The following DISP2 variants were observed in gnomAD, a reference collection of about 807,000 sequenced individuals.
DISP2 encodes the protein dispatched RND transporter family member 2, also known as protein dispatched homolog 2.
Under a neutral mutation model 95.5 loss-of-function variants are expected in DISP2, and 59 were observed. That is an observed-to-expected ratio of 0.62 (90% confidence interval 0.50 to 0.77). DISP2 has a LOEUF of 0.77. DISP2 is among the 30% of genes least tolerant of loss of function. The pLI, the probability that DISP2 is intolerant of heterozygous loss-of-function variation, is 0.00. For synonymous variants in DISP2, 827 were observed against 815.0 expected (o/e 1.01, Z -0.25); for missense variants, 1,752 against 1,854.6 (o/e 0.94, Z 1.02).
At chr15:40,361,649 C>G (rs1422590617) in intron 1 of DISP2, among the ~76,000 whole-genome samples, 1 of 152,252 alleles carries the variant, frequency 6.6e-6, no homozygotes, top group Admixed American at 6.5e-5. Flanking sequence ...CCGGGCCAGC[C>G]TGCCATCCTT....
rs12595589 is a variant in DISP2, at chr15:40,372,963, G to A, written c.*2645G>A. On this transcript the variant is annotated 3_prime_UTR_variant, in exon 8 of 8. Transcript: ENST00000267889. ...GCCATAGCAGCTGATGCATTGATTA[G>A]ATTTGTTCTTTATGTTGCCAGGCCC... The A allele has an allele frequency of 6.6e-6, 1 of 152,182 alleles. No individual in the cohort carries two copies. The highest frequency in any genetic ancestry group is 2.4e-5 in the African/African-American group (1 of 41,430). 9.4% of individuals were successfully genotyped at this position (152,182 alleles called of 1,614,324 possible).
At position 40,370,388 on chromosome 15, in the gene DISP2, C is replaced by A. The variant is rs1159823318; in HGVS notation, c.*70C>A. 1.3e-6 allele frequency: 2 copies of A among 1,501,696 alleles called. No individual in the cohort carries two copies. Among genetic ancestry groups the A allele is most frequent in the Non-Finnish European group, 1.8e-6 (2 of 1,131,184 alleles). The allele number at this position is 1,501,696 out of a possible 1,614,324, so 93.0% of individuals were successfully genotyped here. A position where few individuals can be genotyped will look rare whatever the true frequency, so the allele number is the denominator to read the frequency against. On this transcript the variant is annotated 3_prime_UTR_variant, in exon 8 of 8. Coordinates refer to ENST00000267889, the MANE Select transcript of DISP2 (RefSeq NM_033510.3). ...ATGACAAGGCAAGGGCAGCAATAGG[C>A]TGGAGCCCGAAGGTATTTCTCCAGA...
chr15:40,365,067 C>T, intron 5 of DISP2, 80 bp from the exon 6 acceptor site: 1 of 1,585,594 alleles, frequency 6.3e-7, no homozygotes, highest in South Asian at 1.2e-5. Flanking sequence ...CCAAGGAAGG[C>T]TCCCTGGGGA....
Position 40,358,425 on chromosome 15 carries a change from G to A in DISP2, c.104G>A (p.Gly35Asp). 7.5e-7 allele frequency: 1 copy of A among 1,326,186 alleles called. No homozygotes were observed. The highest frequency in any genetic ancestry group is 4.0e-5 in the Admixed American group (1 of 24,908). 82.2% of individuals were successfully genotyped at this position (1,326,186 alleles called of 1,614,324 possible). ...GAGGGGGAGCCCTTGGCCCCAGACG[G>A]CGGCTCCCCGGACAGGTAGGGCGGA... The part of the protein sequence containing the change: ...RPEGEPLAPD[G>D]GSPDSTQTKA... Residue 35 changes from glycine to aspartate, a missense_variant, in exon 1 of 8, where the codon GGC (glycine) becomes GAC (aspartate). Physicochemically the swap from Gly to Asp is moderately conservative, Grantham distance 94 (BLOSUM62 -1). Transcript: ENST00000267889.
At position 40,374,003 on chromosome 15, in the gene DISP2, T is replaced by TAAAAAAAAAAAAAAAAAAAA. The variant is rs1555400587; in HGVS notation, c.*3697_*3698insAAAAAAAAAAAAAAAAAAAA. 7 of 114,138 alleles carry TAAAAAAAAAAAAAAAAAAAA rather than the reference T, an allele frequency of 6.1e-5. No homozygotes were observed. Among genetic ancestry groups the TAAAAAAAAAAAAAAAAAAAA allele is most frequent in the Non-Finnish European group, 1.2e-4 (7 of 56,072 alleles). 7.1% of individuals were successfully genotyped at this position (114,138 alleles called of 1,614,324 possible). ...TGGGCAACAGAGCGAGACTCCATCT[T>TAAAAAAAAAAAAAAAAAAAA]AAAAAAAAAAAATATATATATATAT... On this transcript the variant is annotated 3_prime_UTR_variant, in exon 8 of 8. Coordinates refer to ENST00000267889, the MANE Select transcript of DISP2 (RefSeq NM_033510.3).
chr15:40,360,562 A>T (rs906331067), intron 1 of DISP2, among the ~76,000 whole-genome samples: 1 of 152,078 alleles, frequency 6.6e-6, no homozygotes, highest in Admixed American at 6.5e-5. Flanking sequence ...GGCCAGGGAG[A>T]CTCCAGCAGA....
chr15:40,358,344 GCA>G lies in DISP2; in HGVS notation c.24_25del (p.Ser8ArgfsTer41). On this transcript the variant is annotated frameshift_variant, in exon 1 of 8. Transcript: ENST00000267889. LOFTEE classifies it high-confidence loss of function. ...GGCATGGACGGTGACAGCAGCAGCAGCAGCGGCGGCAGCGGTCCGGCTCCCGG... is the reference window on the plus strand; with the variant it reads ...GGCATGGACGGTGACAGCAGCAGCAGGCGGCGGCAGCGGTCCGGCTCCCGG... The G allele has an allele frequency of 7.2e-7, 1 of 1,389,816 alleles. No individual in the cohort carries two copies. Among genetic ancestry groups the G allele is most frequent in the Non-Finnish European group, 9.3e-7 (1 of 1,069,840 alleles). The allele number at this position is 1,389,816 out of a possible 1,614,324, so 86.1% of individuals were successfully genotyped here. A position where few individuals can be genotyped will look rare whatever the true frequency, so the allele number is the denominator to read the frequency against.
At position 40,369,519 on chromosome 15, in the gene DISP2, C is replaced by G. The variant is rs992726803; in HGVS notation, c.3407C>G (p.Thr1136Ser). Reference sequence around the variant, plus strand: ...GCCCACCTGCCATGGGATGCTGGTACTGGGGACCCTGGTGGGGAGAAGGCA... The same window carrying G: ...GCCCACCTGCCATGGGATGCTGGTAGTGGGGACCCTGGTGGGGAGAAGGCA... The part of the protein sequence containing the change: ...PCAHLPWDAG[T>S]GDPGGEKAGR... Residue 1136 changes from threonine to serine, a missense_variant, in exon 8 of 8, where the codon ACT becomes AGT. Coordinates refer to ENST00000267889, the MANE Select transcript of DISP2 (RefSeq NM_033510.3). 6 of 1,612,926 alleles carry G rather than the reference C, an allele frequency of 3.7e-6. No individual in the cohort carries two copies. Among genetic ancestry groups the G allele is most frequent in the Non-Finnish European group, 4.2e-6 (5 of 1,180,014 alleles).
intron 7 of DISP2, 36 bp downstream of exon 7, chr15:40,365,761 G>A (rs752689578): frequency 1.2e-6 from 2 of 1,601,974 alleles, no homozygotes; most frequent in East Asian, 2.2e-5. Context: ...GGTTTGGGGG[G>A]AACTAAGGAC....
intron 1 of DISP2, among the ~76,000 whole-genome samples, chr15:40,361,250 A>G (rs1889401260): frequency 6.6e-6 from 1 of 152,254 alleles, no homozygotes; most frequent in Non-Finnish European, 1.5e-5. Flanking sequence ...AAGTATTTAT[A>G]TAGGTAGTGA....
In DISP2 at chr15:40,374,149, T is replaced by A. The variant is rs1889694274; in HGVS notation, c.*3831T>A. On this transcript the variant is annotated 3_prime_UTR_variant, in exon 8 of 8. Coordinates refer to ENST00000267889, the MANE Select transcript of DISP2 (RefSeq NM_033510.3). ...TGATTTTATTGGCTGAATCTTAGAT[T>A]TTACTGATATATAGCATATCCCATA... The A allele has an allele frequency of 2.0e-5, 3 of 151,312 alleles. No homozygotes were observed. The highest frequency in any genetic ancestry group is 2.0e-4 in the Admixed American group (3 of 15,196). 9.4% of individuals were successfully genotyped at this position (151,312 alleles called of 1,614,324 possible).
chr15:40,358,809 A>C (rs1342553228), intron 1 of DISP2, among the ~76,000 whole-genome samples: 3 of 152,214 alleles, frequency 2.0e-5, no homozygotes, highest in African/African-American at 7.2e-5. Context: ...TCCGGGTTTC[A>C]GCGTGCCAGT....
Position 40,369,608 on chromosome 15 carries a change from C to T in DISP2, c.3496C>T (p.Gln1166Ter). 1 of 1,611,570 alleles carries T rather than the reference C, an allele frequency of 6.2e-7. No individual in the cohort carries two copies. The highest frequency in any genetic ancestry group is 8.5e-7 in the Non-Finnish European group (1 of 1,180,010). Residue 1166 changes from glutamine (Q) to a stop codon, truncating the protein, a stop_gained, in exon 8 of 8, where the codon CAG (glutamine) becomes TAG (stop). Transcript: ENST00000267889. LOFTEE classifies it high-confidence loss of function. ...PGSCSEQYEL[Q>*]PLARRRSPSF... Reference sequence around the variant, plus strand: ...GTCCTGCTCAGAGCAATATGAGCTACAGCCCCTGGCACGGCGTCGGAGCCC... The same window carrying T: ...GTCCTGCTCAGAGCAATATGAGCTATAGCCCCTGGCACGGCGTCGGAGCCC...
chr15:40,363,628 C>T lies in DISP2; in HGVS notation c.123C>T (p.Thr41=). ...TCCTTGTCTCCTCTCTTCCTAGCAC[C>T]CAGACCAAGGCTGTGCCCCCTGAGG... The part of the protein sequence containing the change: ...LAPDGGSPDS[T]QTKAVPPEAS... Residue 41 remains threonine (T), a synonymous_variant, in exon 2 of 8, where the codon ACC becomes ACT. Coordinates refer to ENST00000267889, the MANE Select transcript of DISP2 (RefSeq NM_033510.3). 6.5e-7 allele frequency: 1 copy of T among 1,531,268 alleles called. No homozygotes were observed. Among genetic ancestry groups the T allele is most frequent in the Non-Finnish European group, 8.8e-7 (1 of 1,139,122 alleles). 94.9% of individuals were successfully genotyped at this position (1,531,268 alleles called of 1,614,324 possible).
At chr15:40,363,590 C>T in intron 1 of DISP2, 35 bp from the exon 2 acceptor site, 1 of 1,457,162 alleles carries the variant, frequency 6.9e-7, no homozygotes, top group Non-Finnish European at 9.2e-7. Context: ...ACCACCATCC[C>T]CCACCCCAAT....
rs753354746 is a variant in DISP2, at chr15:40,369,282, G to T, written c.3170G>T (p.Arg1057Leu). 1 of 1,613,614 alleles carries T rather than the reference G, an allele frequency of 6.2e-7. No homozygotes were observed. Among genetic ancestry groups the T allele is most frequent in the South Asian group, 1.1e-5 (1 of 91,084 alleles). The change falls in exon 8 of 8, where the codon CGC becomes CTC. Residue 1057 changes from arginine to leucine, a missense_variant. Arg to Leu is a moderately radical substitution (Grantham distance 102). Coordinates refer to ENST00000267889, the MANE Select transcript of DISP2 (RefSeq NM_033510.3). The stretch of plus-strand genomic sequence containing the variant: ...CTGAGCCGTGTGGCCTTCTCTCTGC[G>T]CCAGACCAGCTGCGCCACAGCCGTG... ...DRLSRVAFSL[R>L]QTSCATAVGA...
intron 1 of DISP2, among the ~76,000 whole-genome samples, chr15:40,362,933 G>C (rs1317670358): frequency 6.6e-6 from 1 of 152,352 alleles, no homozygotes; most frequent in East Asian, 1.9e-4. Flanking sequence ...TTGAGTACCA[G>C]CTCTTCATCT....
Position 40,370,342 on chromosome 15 carries a change from G to A in DISP2, c.*24G>A. Reference sequence around the variant, plus strand: ...GAGGGGGACCCGGGGAGGCTGGACAGGGCGCGGAACCCTGTCATGGATGAC... The same window carrying A: ...GAGGGGGACCCGGGGAGGCTGGACAAGGCGCGGAACCCTGTCATGGATGAC... On this transcript the variant is annotated 3_prime_UTR_variant, in exon 8 of 8. Coordinates refer to ENST00000267889, the MANE Select transcript of DISP2 (RefSeq NM_033510.3). 2.6e-6 allele frequency: 4 copies of A among 1,516,610 alleles called. No homozygotes were observed. The highest frequency in any genetic ancestry group is 3.5e-6 in the Non-Finnish European group (4 of 1,134,108). 93.9% of individuals were successfully genotyped at this position (1,516,610 alleles called of 1,614,324 possible).
Position 40,364,919 on chromosome 15 carries a change from C to T in DISP2, c.685C>T (p.Leu229=). Residue 229 remains leucine, a synonymous_variant, in exon 5 of 8, where the codon CTG becomes TTG. Transcript: ENST00000267889. ...ACAAGCCCTCACAGGCCCCAGGAAG[C>T]TGCTTTTCCTTTCCCCAGACCTTGA... is the stretch of plus-strand genomic sequence containing the variant. ...ALQALTGPRK[L]LFLSPDLELN... The T allele has an allele frequency of 6.2e-7, 1 of 1,614,192 alleles. No individual in the cohort carries two copies. The highest frequency in any genetic ancestry group is 8.5e-7 in the Non-Finnish European group (1 of 1,180,014).
Sources: allele counts gnomAD v4.1 joint callset (sites outside exome capture counted in the v4.1 genomes callset), GRCh38; gene constraint gnomAD v4.1.1; transcripts MANE v1.5; gene names NCBI Gene and HGNC (gene_info 2026-07-23, HGNC 2026-07-21).